The following TMEM117 variants were observed in gnomAD, a reference collection of about 807,000 sequenced individuals.
The protein encoded by TMEM117 is transmembrane protein 117.
A neutral mutation model predicts 52.4 loss-of-function variants in TMEM117; 27 were observed. The observed-to-expected ratio is 0.51, with a 90% CI of 0.38 to 0.71. The LOEUF (loss-of-function observed/expected upper bound fraction) is 0.71. Among genes scored for constraint, TMEM117 ranks in the 30% least tolerant of loss-of-function variants. TMEM117 has a pLI of 0.00. For missense variants in TMEM117, 556 were observed against 630.5 expected, an observed-to-expected ratio of 0.88 and a Z score of 1.26; for synonymous variants, 215 against 206.3, an observed-to-expected ratio of 1.04 and a Z score of -0.36.
intron 1 of TMEM117, among the ~76,000 whole-genome samples, chr12:43,842,441 GAAT>G: frequency 6.6e-6 from 1 of 151,886 alleles, no homozygotes; most frequent in African/African-American, 2.4e-5. Flanking sequence ...TTGCTTGGCT[GAAT>G]TCTATTGCCA....
chr12:44,024,988 A>G (rs1460584947), intron 3 of TMEM117, among the ~76,000 whole-genome samples: 2 of 152,252 alleles, frequency 1.3e-5, no homozygotes, highest in East Asian at 3.9e-4. Flanking sequence ...ACTAGATTTC[A>G]TGTTACAACC....
chr12:44,057,608 A>G (rs554625797), intron 3 of TMEM117, among the ~76,000 whole-genome samples: 9 of 152,042 alleles, frequency 5.9e-5, no homozygotes, highest in African/African-American at 1.7e-4. Context: ...TATAGGAAAT[A>G]TGTGGCCAGC....
the TMEM117 span, among the ~76,000 whole-genome samples, chr12:44,395,665 A>C: frequency 1.3e-5 from 2 of 152,232 alleles, no homozygotes; most frequent in South Asian, 2.1e-4. Context: ...TGACTCAGGG[A>C]CTCAGACATG....
intron 4 of TMEM117, among the ~76,000 whole-genome samples, chr12:44,199,618 A>T (rs575896108): frequency 6.6e-6 from 1 of 152,312 alleles, no homozygotes; most frequent in African/African-American, 2.4e-5. Flanking sequence ...CAAGGAACTA[A>T]AAGAATGTTG....
intron 4 of TMEM117, among the ~76,000 whole-genome samples, chr12:44,166,321 G>GTA (rs980402134): frequency 2.0e-5 from 3 of 152,172 alleles, no homozygotes; most frequent in African/African-American, 7.2e-5. Context: ...GAACTGGATG[G>GTA]TATAGCTTAG....
chr12:44,263,014 C>A (rs1429963388), intron 5 of TMEM117, among the ~76,000 whole-genome samples: 1 of 152,134 alleles, frequency 6.6e-6, no homozygotes, highest in South Asian at 2.1e-4. Flanking sequence ...TGCAATAATT[C>A]TTTATTGAAA....
intron 2 of TMEM117, among the ~76,000 whole-genome samples, chr12:43,897,020 G>A (rs935981310): frequency 2.0e-5 from 3 of 152,164 alleles, no homozygotes; most frequent in African/African-American, 4.8e-5. Flanking sequence ...CCTGAGTCAA[G>A]TGCCTATAAG....
chr12:44,129,669 C>T (rs1426743705), intron 3 of TMEM117, among the ~76,000 whole-genome samples: 1 of 152,138 alleles, frequency 6.6e-6, no homozygotes, highest in East Asian at 1.9e-4. Flanking sequence ...TCTACCTTGT[C>T]ATGCATTATG....
At chr12:44,255,745 A>G (rs1950252758) in intron 5 of TMEM117, among the ~76,000 whole-genome samples, 2 of 152,138 alleles carry the variant, frequency 1.3e-5, no homozygotes, top group Non-Finnish European at 1.5e-5. Context: ...CCAAAGAATA[A>G]CAAAATACTG....
At chr12:44,394,132 G>C (rs555406566), downstream of TMEM117, among the ~76,000 whole-genome samples, 5 of 152,146 alleles carry the variant, frequency 3.3e-5, no homozygotes, top group Admixed American at 3.3e-4. Flanking sequence ...ATTTTGAAAT[G>C]ATGACTCCAA....
chr12:44,196,695 C>A (rs557907992), intron 4 of TMEM117, among the ~76,000 whole-genome samples: 1 of 152,076 alleles, frequency 6.6e-6, no homozygotes, highest in African/African-American at 2.4e-5. Flanking sequence ...ACATTTAGGT[C>A]GTTGCTTTTA....
At chr12:44,233,245 A>C (rs929330331) in intron 5 of TMEM117, among the ~76,000 whole-genome samples, 2 of 151,336 alleles carry the variant, frequency 1.3e-5, no homozygotes, top group African/African-American at 4.8e-5. Context: ...GTTTACCTTT[A>C]TCAGCTTAAT....
At chr12:43,852,585 G>A (rs940763440) in intron 2 of TMEM117, among the ~76,000 whole-genome samples, 6 of 152,198 alleles carry the variant, frequency 3.9e-5, no homozygotes, top group African/African-American at 1.4e-4. Flanking sequence ...CTGGCATGGA[G>A]CGAGACTCTG....
intron 7 of TMEM117, among the ~76,000 whole-genome samples, chr12:44,379,555 ACT>A (rs922229665): frequency 6.6e-6 from 1 of 151,792 alleles, no homozygotes; most frequent in African/African-American, 2.4e-5. Context: ...TGTTTCTTTT[ACT>A]CTCTCTGTTT....
intron 4 of TMEM117, among the ~76,000 whole-genome samples, chr12:44,152,323 A>G (rs1948747803): frequency 9.0e-6 from 1 of 111,264 alleles, no homozygotes; most frequent in South Asian, 3.1e-4. Flanking sequence ...CATATCATAT[A>G]AATATATATA....
intron 3 of TMEM117, among the ~76,000 whole-genome samples, chr12:44,026,918 T>C (rs1946542607): frequency 6.6e-6 from 1 of 151,816 alleles, no homozygotes; most frequent in African/African-American, 2.4e-5. Context: ...ATGGATGTGG[T>C]ATTAATAATC....
At chr12:44,177,468 T>C (rs925569632) in intron 4 of TMEM117, among the ~76,000 whole-genome samples, 2 of 152,154 alleles carry the variant, frequency 1.3e-5, no homozygotes, top group African/African-American at 4.8e-5. Context: ...ATTTATAGCT[T>C]ATTTGTGTTC....
chr12:44,013,595 T>C (rs1449955859), intron 3 of TMEM117, among the ~76,000 whole-genome samples: 1 of 152,184 alleles, frequency 6.6e-6, no homozygotes, highest in Non-Finnish European at 1.5e-5. Flanking sequence ...AATTTTTCTC[T>C]GATAGTCGCT....
intron 4 of TMEM117, among the ~76,000 whole-genome samples, chr12:44,178,881 C>G (rs1421790109): frequency 6.6e-6 from 1 of 151,990 alleles, no homozygotes; most frequent in African/African-American, 2.4e-5. Flanking sequence ...GAGACAGAAC[C>G]AAGAGGATAT....
Sources: allele counts gnomAD v4.1 joint callset (sites outside exome capture counted in the v4.1 genomes callset), GRCh38; gene constraint gnomAD v4.1.1; transcripts MANE v1.5; gene names NCBI Gene and HGNC (gene_info 2026-07-23, HGNC 2026-07-21).